Variants in ALK observed in about 807,000 individuals in gnomAD.
ALK encodes the protein ALK tyrosine kinase receptor.
Under a neutral mutation model 163.1 loss-of-function variants are expected in ALK, and 74 were observed. The observed-to-expected ratio is 0.45, with a 90% CI of 0.38 to 0.55. The LOEUF (loss-of-function observed/expected upper bound fraction) is 0.55, where lower values mean the gene tolerates loss of function less well. Among genes scored for constraint, ALK ranks in the 20% least tolerant of loss-of-function variants. The pLI is 0.00. For missense variants in ALK, 2,063 were observed against 2,105.3 expected, an observed-to-expected ratio of 0.98 and a Z score of 0.39; for synonymous variants, 960 against 843.2, an observed-to-expected ratio of 1.14 and a Z score of -2.40.
chr2:29,715,619 T>C (rs2631974), intron 2 of ALK, among the ~76,000 whole-genome samples: 20,602 of 151,926 alleles, frequency 0.14, 3,331 homozygotes, highest in African/African-American at 0.39. Context: ...CAGCATGGAG[T>C]GGGTAGATTT....
chr2:29,274,791 A>T (rs1665490430), intron 11 of ALK, among the ~76,000 whole-genome samples: 5 of 152,222 alleles, frequency 3.3e-5, no homozygotes, highest in Admixed American at 3.3e-4. Context: ...GTAAGGCGGC[A>T]GTGAATTCAA....
At chr2:29,218,788 C>CACTG (rs1450247935) in intron 23 of ALK, among the ~76,000 whole-genome samples, 2 of 152,390 alleles carry the variant, frequency 1.3e-5, no homozygotes, top group Non-Finnish European at 2.9e-5. Flanking sequence ...ACGTGTCCCC[C>CACTG]ACTGACAGCA....
chr2:29,636,372 AAAAGAAAAG>A (rs1676532177), intron 3 of ALK, among the ~76,000 whole-genome samples: 1 of 90,428 alleles, frequency 1.1e-5, no homozygotes, highest in Non-Finnish European at 2.6e-5. Context: ...AAAAGAAAAG[AAAAGAAAAG>A]AAAGATAAAG....
intron 3 of ALK, among the ~76,000 whole-genome samples, chr2:29,663,849 TTC>T (rs1677426859): frequency 6.6e-6 from 1 of 152,188 alleles, no homozygotes; most frequent in Admixed American, 6.5e-5. Flanking sequence ...TGTATAATGC[TTC>T]TCTCTAGTGT....
chr2:29,622,565 G>T (rs1164117218), intron 3 of ALK, among the ~76,000 whole-genome samples: 3 of 152,104 alleles, frequency 2.0e-5, no homozygotes. Flanking sequence ...TTGAGATTTG[G>T]GTGGGGACAC....
intron 5 of ALK, among the ~76,000 whole-genome samples, chr2:29,351,710 C>A (rs13388205): frequency 1.5e-4 from 23 of 152,158 alleles, no homozygotes; most frequent in African/African-American, 5.6e-4. Context: ...TGAGGTAAGG[C>A]TGGAGAGGCT....
At chr2:29,256,435 T>A (rs1211893719) in intron 11 of ALK, among the ~76,000 whole-genome samples, 1 of 152,118 alleles carries the variant, frequency 6.6e-6, no homozygotes, top group East Asian at 1.9e-4. Context: ...GGAGTTACAG[T>A]GTTCCCTCCA....
At chr2:29,220,247 G>A (rs148370241) in intron 23 of ALK, among the ~76,000 whole-genome samples, 4 of 152,092 alleles carry the variant, frequency 2.6e-5, no homozygotes, top group African/African-American at 9.7e-5. Flanking sequence ...GTTCTCATGA[G>A]ACCTGGTTGT....
At chr2:29,249,839 TC>T (rs1330519611) in intron 12 of ALK, among the ~76,000 whole-genome samples, 3 of 152,154 alleles carry the variant, frequency 2.0e-5, no homozygotes, top group African/African-American at 7.2e-5. Flanking sequence ...TCCGGTGTCT[TC>T]CGGGATATTT....
At chr2:29,796,574 T>C (rs750761035) in intron 1 of ALK, among the ~76,000 whole-genome samples, 9 of 152,180 alleles carry the variant, frequency 5.9e-5, no homozygotes, top group Non-Finnish European at 8.8e-5. Context: ...CTAAGCCTCA[T>C]AGAATATTTT....
chr2:29,317,128 T>C (rs1286976448), intron 8 of ALK, among the ~76,000 whole-genome samples: 3 of 152,204 alleles, frequency 2.0e-5, no homozygotes, highest in Non-Finnish European at 4.4e-5. Context: ...CTGTTGTCTG[T>C]CCCTCTGCTG....
intron 1 of ALK, among the ~76,000 whole-genome samples, chr2:29,876,212 G>T (rs1415460901): frequency 6.6e-6 from 1 of 152,208 alleles, no homozygotes; most frequent in African/African-American, 2.4e-5. Flanking sequence ...CAGGATTAAA[G>T]GAAATAATAC....
At chr2:29,675,522 G>C (rs1399770193) in intron 3 of ALK, among the ~76,000 whole-genome samples, 1 of 151,974 alleles carries the variant, frequency 6.6e-6, no homozygotes, top group Non-Finnish European at 1.5e-5. Flanking sequence ...AGACCAGGGG[G>C]AGGTCCGAAC....
In ALK at chr2:29,799,677, G is replaced by A. The variant is rs114374146; in HGVS notation, c.668-81980C>T. On this transcript the variant is annotated intron_variant, in intron 1 of 28. Coordinates refer to ENST00000389048, the MANE Select transcript of ALK (RefSeq NM_004304.5). ...CATCCTGGGTCACAGAGCAAGCCCT[G>A]ACTCAGAAATAAAGTAAAATAAATA... Among the ~76,000 whole-genome samples, 791 of 152,156 alleles carry A rather than the reference G, an allele frequency of 5.2e-3. 8 individuals carry two copies. The highest frequency in any genetic ancestry group is 0.018 in the African/African-American group (753 of 41,502).
chr2:29,916,678 A>C (rs1667843166), intron 1 of ALK, among the ~76,000 whole-genome samples: 1 of 152,232 alleles, frequency 6.6e-6, no homozygotes, highest in Non-Finnish European at 1.5e-5. Context: ...AAAGTCATGT[A>C]TCCACTTTCC....
At chr2:29,705,035 T>C (rs1678855490) in intron 2 of ALK, among the ~76,000 whole-genome samples, 1 of 151,156 alleles carries the variant, frequency 6.6e-6, no homozygotes, top group Admixed American at 6.6e-5. Context: ...CTAGCCAACA[T>C]AGTGAAACCC....
In ALK at chr2:29,225,921, TGTAA is replaced by T. The variant is rs377107653; in HGVS notation, c.3068-360_3068-357del. Among the ~76,000 whole-genome samples the T allele has an allele frequency of 2.5e-3, 379 of 152,264 alleles. 5 individuals are homozygous for T. The highest frequency in any genetic ancestry group is 6.8e-3 in the Middle Eastern group (2 of 294). The stretch of plus-strand genomic sequence containing the variant: ...CAGGTGACCAAACAACAGGGTGCGC[TGTAA>T]GTAACACCCTCTGAGGCTAAGTTAC... On this transcript the variant is annotated intron_variant, in intron 18 of 28. Transcript: ENST00000389048.
chr2:29,395,933 G>A (rs1669292566), intron 4 of ALK, among the ~76,000 whole-genome samples: 2 of 152,150 alleles, frequency 1.3e-5, no homozygotes, highest in Admixed American at 6.5e-5. Context: ...TTTCCCCTGG[G>A]TCTTTGGGTT....
At chr2:29,658,337 C>A (rs941902359) in intron 3 of ALK, among the ~76,000 whole-genome samples, 1 of 152,140 alleles carries the variant, frequency 6.6e-6, no homozygotes, top group African/African-American at 2.4e-5. Context: ...CCTCTCTGGG[C>A]TTCTCTTACC....
Sources: allele counts gnomAD v4.1 joint callset (sites outside exome capture counted in the v4.1 genomes callset), GRCh38; gene constraint gnomAD v4.1.1; transcripts MANE v1.5; gene names NCBI Gene and HGNC (gene_info 2026-07-23, HGNC 2026-07-21).